The following GPHN variants were observed in gnomAD, a reference collection of about 807,000 sequenced individuals.
GPHN encodes gephyrin.
GPHN carries 17 observed loss-of-function variants against 95.5 expected under a neutral mutation model. That is an observed-to-expected ratio of 0.18 (90% confidence interval 0.12 to 0.27). GPHN has a LOEUF of 0.27. Ranked by LOEUF, GPHN falls within the 10% of genes least tolerant of loss-of-function variation. The pLI, the probability that GPHN is intolerant of heterozygous loss-of-function variation, is 1.00. For synonymous variants in GPHN, 320 were observed against 322.5 expected (o/e 0.99, Z 0.08); for missense variants, 660 against 978.1 (o/e 0.67, Z 4.34).
At chr14:66,703,124 C>T (rs147804701) in intron 2 of GPHN, among the ~76,000 whole-genome samples, 1 of 152,076 alleles carries the variant, frequency 6.6e-6, no homozygotes, top group East Asian at 1.9e-4. Flanking sequence ...ACAAAACCTC[C>T]AAGAAATATG....
chr14:67,423,827 G>C, the GPHN span, among the ~76,000 whole-genome samples: 55 of 152,306 alleles, frequency 3.6e-4, no homozygotes, highest in Middle Eastern at 0.017. Context: ...CCTGGGGTGG[G>C]TGTTACTGAT....
intron 9 of GPHN, among the ~76,000 whole-genome samples, chr14:66,987,502 T>A (rs1282152647): frequency 6.6e-6 from 1 of 152,120 alleles, no homozygotes; most frequent in Admixed American, 6.6e-5. Context: ...CACATATATA[T>A]GTTTAAGAAC....
chr14:67,311,691 A>G, the GPHN span, among the ~76,000 whole-genome samples: 1 of 152,220 alleles, frequency 6.6e-6, no homozygotes, highest in Non-Finnish European at 1.5e-5. Context: ...AAAGTTCATG[A>G]GAGTTACTAC....
the GPHN span, among the ~76,000 whole-genome samples, chr14:67,342,557 C>CTTTTTTTTTTTTT: frequency 2.9e-5 from 4 of 136,968 alleles, no homozygotes; most frequent in Non-Finnish European, 6.3e-5. Context: ...ACGAATTATC[C>CTTTTTTTTTTTTT]TTTTTTTTTT....
intron 16 of GPHN, among the ~76,000 whole-genome samples, chr14:67,117,648 G>A (rs910515806): frequency 6.6e-6 from 1 of 152,080 alleles, no homozygotes; most frequent in East Asian, 1.9e-4. Context: ...GTTCTTATAG[G>A]CACACAACAA....
chr14:67,435,909 A>G, the GPHN span, among the ~76,000 whole-genome samples: 9 of 152,224 alleles, frequency 5.9e-5, 1 homozygote, highest in Admixed American at 6.5e-5. Flanking sequence ...TAAGGGGGAA[A>G]AAGAGCTTAG....
chr14:67,088,848 G>T (rs963858208), intron 11 of GPHN, 135 bp from the exon 12 acceptor site: 1 of 687,806 alleles, frequency 1.5e-6, no homozygotes, highest in Non-Finnish European at 2.7e-6. Context: ...CTGTTTCTTG[G>T]GACAGAAATC....
chr14:67,397,859 C>T, the GPHN span: 26 of 1,572,720 alleles, frequency 1.7e-5, no homozygotes, highest in Middle Eastern at 1.7e-4. Flanking sequence ...TGAGGTGAGG[C>T]GGTCAGTGGG....
At chr14:66,587,031 T>G (rs2061449706) in intron 1 of GPHN, among the ~76,000 whole-genome samples, 1 of 151,476 alleles carries the variant, frequency 6.6e-6, no homozygotes, top group African/African-American at 2.4e-5. Flanking sequence ...CTGAAATATA[T>G]AAAATAAAAA....
At chr14:66,577,020 G>T (rs1870625889) in intron 1 of GPHN, among the ~76,000 whole-genome samples, 1 of 152,010 alleles carries the variant, frequency 6.6e-6, no homozygotes, top group Admixed American at 6.6e-5. Flanking sequence ...GGACATTGAT[G>T]TTATAACTGA....
chr14:67,432,835 T>C, the GPHN span, among the ~76,000 whole-genome samples: 1 of 152,084 alleles, frequency 6.6e-6, no homozygotes, highest in East Asian at 1.9e-4. Context: ...ATCTCTGTTT[T>C]GGTGGTCGCA....
At chr14:67,292,560 A>G in the GPHN span, 2 of 1,613,520 alleles carry the variant, frequency 1.2e-6, no homozygotes, top group South Asian at 1.1e-5. Flanking sequence ...ATACTTTGGT[A>G]GATTCTCAGA....
chr14:67,508,752 T>TAAAAAAAAAAAAAAAAAAA, the GPHN span, among the ~76,000 whole-genome samples: 1 of 18,866 alleles, frequency 5.3e-5, no homozygotes, highest in Non-Finnish European at 1.7e-4. Flanking sequence ...AAACCTTGTC[T>TAAAAAAAAAAAAAAAAAAA]CAAAAAAAAA....
At chr14:67,704,650 AG>A in the GPHN span, among the ~76,000 whole-genome samples, 9 of 152,198 alleles carry the variant, frequency 5.9e-5, no homozygotes, top group Non-Finnish European at 2.9e-5. Context: ...GAGTAGAGTA[AG>A]AGTGCCCTCA....
chr14:66,687,500 T>C lies in GPHN; in HGVS notation c.143+6315T>C, dbSNP rs568198623. On this transcript the variant is annotated intron_variant, in intron 2 of 22. Coordinates refer to ENST00000478722, the MANE Select transcript of GPHN (RefSeq NM_020806.5). ...TATTTTATTTGGTTTTTTTTTTTTT[T>C]TTTTTGAGACGGAGTTTCGCTCTTG... Among the ~76,000 whole-genome samples the C allele has an allele frequency of 7.4e-5, 11 of 149,346 alleles. No individual in the cohort carries two copies. In the South Asian group the frequency reaches 2.1e-3, roughly 29 times the overall value.
intron 10 of GPHN, among the ~76,000 whole-genome samples, chr14:67,056,805 T>TG (rs2075593622): frequency 4.5e-5 from 5 of 110,352 alleles, no homozygotes; most frequent in East Asian, 2.8e-4. Flanking sequence ...GAGCCCACAG[T>TG]GGGGGTGGGG....
At chr14:66,797,207 A>G (rs954187606) in intron 3 of GPHN, among the ~76,000 whole-genome samples, 6 of 151,526 alleles carry the variant, frequency 4.0e-5, no homozygotes, top group Non-Finnish European at 8.8e-5. Context: ...TTTTTATGTC[A>G]GTATCATGAT....
the GPHN span, chr14:67,279,684 C>G: frequency 1.8e-5 from 13 of 712,358 alleles, no homozygotes; most frequent in South Asian, 3.3e-5. Context: ...CGTGGAAACG[C>G]CGTATAACTA....
the GPHN span, among the ~76,000 whole-genome samples, chr14:67,212,643 AC>A: frequency 6.8e-6 from 1 of 146,430 alleles, no homozygotes; most frequent in South Asian, 2.1e-4. Flanking sequence ...AATATATATT[AC>A]ATATATATAT....
Sources: allele counts gnomAD v4.1 joint callset (sites outside exome capture counted in the v4.1 genomes callset), GRCh38; gene constraint gnomAD v4.1.1; transcripts MANE v1.5; gene names NCBI Gene and HGNC (gene_info 2026-07-23, HGNC 2026-07-21).